Variants in BDKRB2 observed in about 807,000 individuals in gnomAD.
BDKRB2 encodes bradykinin receptor B2.
BDKRB2 carries 6 observed loss-of-function variants against 4.0 expected under a neutral mutation model. The ratio of observed to expected loss-of-function variants is 1.49; its 90% CI spans 0.81 to 2.93. The LOEUF (loss-of-function observed/expected upper bound fraction) is 2.93, where lower values mean the gene tolerates loss of function less well. BDKRB2 is among the 30% of genes most tolerant of loss of function. BDKRB2 has a pLI of 0.00. For missense variants in BDKRB2, 478 were observed against 520.1 expected, an observed-to-expected ratio of 0.92 and a Z score of 0.79; for synonymous variants, 225 against 215.3, an observed-to-expected ratio of 1.05 and a Z score of -0.40.
chr14:96,226,094 T>C (rs1019261512), intron 1 of BDKRB2, among the ~76,000 whole-genome samples: 11 of 152,240 alleles, frequency 7.2e-5, no homozygotes, highest in Admixed American at 7.2e-4. Flanking sequence ...CCTTCCTTTC[T>C]ATGTGGTTTT....
chr14:96,235,833 C>A (rs1277798883), intron 1 of BDKRB2, among the ~76,000 whole-genome samples: 1 of 148,948 alleles, frequency 6.7e-6, no homozygotes, highest in East Asian at 1.9e-4. Context: ...ACACACACAC[C>A]TGCACTCACA....
intron 1 of BDKRB2, among the ~76,000 whole-genome samples, chr14:96,215,704 A>G (rs1454956856): frequency 1.3e-5 from 2 of 152,204 alleles, no homozygotes; most frequent in Non-Finnish European, 2.9e-5. Context: ...GAGTTTCTGC[A>G]GGAATCAGAA....
chr14:96,218,072 T>C (rs1362411848), intron 1 of BDKRB2, among the ~76,000 whole-genome samples: 1 of 152,038 alleles, frequency 6.6e-6, no homozygotes, highest in Non-Finnish European at 1.5e-5. Flanking sequence ...ATCGTGAGGC[T>C]CAGGGAAAGG....
chr14:96,237,813 C>G (rs1437098242), intron 2 of BDKRB2: 2 of 1,289,808 alleles, frequency 1.6e-6, no homozygotes, highest in East Asian at 1.1e-4. Context: ...AGGCATCTTT[C>G]TGATGATCCG....
At chr14:96,238,824 T>TCCCTCCAGGGCA in intron 2 of BDKRB2, 3 of 986,030 alleles carry the variant, frequency 3.0e-6, no homozygotes, top group Non-Finnish European at 3.6e-6. Context: ...ACCCCCCTGC[T>TCCCTCCAGGGCA]CCCTCCAGGG....
chr14:96,238,515 G>A (rs765795243), intron 2 of BDKRB2: 3 of 985,488 alleles, frequency 3.0e-6, no homozygotes, highest in East Asian at 1.1e-4. Context: ...TACCATCACT[G>A]TAGTTCCTTA....
intron 1 of BDKRB2, among the ~76,000 whole-genome samples, chr14:96,222,840 G>A (rs1260570956): frequency 1.3e-5 from 2 of 151,888 alleles, no homozygotes; most frequent in Admixed American, 1.3e-4. Flanking sequence ...GGATATATTT[G>A]ATTATATCTC....
chr14:96,222,022 C>T (rs1890576771), intron 1 of BDKRB2, among the ~76,000 whole-genome samples: 1 of 152,120 alleles, frequency 6.6e-6, no homozygotes, highest in Non-Finnish European at 1.5e-5. Flanking sequence ...CTTCAGAACC[C>T]ATCGCAAGTC....
At chr14:96,233,038 T>A (rs1437753429) in intron 1 of BDKRB2, among the ~76,000 whole-genome samples, 1 of 151,952 alleles carries the variant, frequency 6.6e-6, no homozygotes, top group Non-Finnish European at 1.5e-5. Context: ...TGCCTTTTTG[T>A]TTTTTTGAGA....
intron 1 of BDKRB2, among the ~76,000 whole-genome samples, chr14:96,236,396 A>G (rs1285500868): frequency 6.6e-6 from 1 of 152,130 alleles, no homozygotes; most frequent in Non-Finnish European, 1.5e-5. Flanking sequence ...TAACAGTTCC[A>G]GTCTAAACAC....
chr14:96,232,383 C>T (rs1890838221), intron 1 of BDKRB2, among the ~76,000 whole-genome samples: 2 of 152,222 alleles, frequency 1.3e-5, no homozygotes, highest in African/African-American at 4.8e-5. Flanking sequence ...GCTTCCCGTC[C>T]GTAATGCACG....
chr14:96,220,545 G>A (rs1566690050), intron 1 of BDKRB2, among the ~76,000 whole-genome samples: 1 of 152,044 alleles, frequency 6.6e-6, no homozygotes, highest in Non-Finnish European at 1.5e-5. Flanking sequence ...AGGAGTTGGG[G>A]TCATTGGCTG....
intron 1 of BDKRB2, among the ~76,000 whole-genome samples, 155 bp downstream of exon 1, chr14:96,205,114 G>C (rs989919709): frequency 6.6e-6 from 1 of 152,182 alleles, no homozygotes; most frequent in African/African-American, 2.4e-5. Context: ...CGGAGGGGAG[G>C]TCTGACAGGC....
intron 1 of BDKRB2, among the ~76,000 whole-genome samples, chr14:96,218,471 T>C (rs73359930): frequency 0.082 from 12,418 of 152,164 alleles, 647 homozygotes; most frequent in African/African-American, 0.13. Context: ...CCTGTTTTGC[T>C]TTTTTAAAGT....
intron 1 of BDKRB2, among the ~76,000 whole-genome samples, chr14:96,215,709 T>A: frequency 6.6e-6 from 1 of 152,090 alleles, no homozygotes; most frequent in East Asian, 1.9e-4. Context: ...TCTGCAGGAA[T>A]CAGAAACAGG....
At chr14:96,234,778 G>A (rs1890894406) in intron 1 of BDKRB2, among the ~76,000 whole-genome samples, 1 of 152,230 alleles carries the variant, frequency 6.6e-6, no homozygotes, top group South Asian at 2.1e-4. Flanking sequence ...CAGATCTGGG[G>A]ACACCCAGCC....
chr14:96,207,169 T>G (rs1048072633), intron 1 of BDKRB2, among the ~76,000 whole-genome samples: 2 of 152,148 alleles, frequency 1.3e-5, no homozygotes, highest in African/African-American at 4.8e-5. Flanking sequence ...AGAATGAAAG[T>G]AGGGGCCTTG....
At chr14:96,227,666 AAC>A (rs1180688187) in intron 1 of BDKRB2, among the ~76,000 whole-genome samples, 8 of 149,576 alleles carry the variant, frequency 5.3e-5, no homozygotes, top group Non-Finnish European at 8.9e-5. Flanking sequence ...CATGTGCACA[AAC>A]ACACGTGTGC....
At chr14:96,239,317 CT>C (rs1266548851) in intron 2 of BDKRB2, 3 of 978,592 alleles carry the variant, frequency 3.1e-6, no homozygotes, top group Non-Finnish European at 3.6e-6. Context: ...CAATACCCTA[CT>C]CCAAAGAAGG....
Sources: gnomAD v4.1 joint callset for allele counts (sites outside exome capture counted in the v4.1 genomes callset) on GRCh38, gnomAD v4.1.1 for gene constraint, MANE v1.5 for transcripts, NCBI Gene and HGNC (gene_info 2026-07-23, HGNC 2026-07-21) for gene names.